Variants in PDE1C observed in about 807,000 individuals in gnomAD.
PDE1C encodes the protein phosphodiesterase 1C.
In PDE1C, 62 loss-of-function variants were observed where a neutral mutation model predicts 93.1. The observed-to-expected ratio is 0.67, with a 90% confidence interval of 0.54 to 0.82. PDE1C has a LOEUF of 0.82. Ranked by LOEUF, PDE1C falls within the 40% of genes least tolerant of loss-of-function variation. PDE1C has a pLI of 0.00. For synonymous variants in PDE1C, 325 were observed against 310.1 expected (o/e 1.05, Z -0.50); for missense variants, 742 against 884.6 (o/e 0.84, Z 2.04).
At chr7:32,101,243 A>G (rs1311675565) in intron 3 of PDE1C, among the ~76,000 whole-genome samples, 1 of 152,222 alleles carries the variant, frequency 6.6e-6, no homozygotes, top group Non-Finnish European at 1.5e-5. Flanking sequence ...CTTAAAAGTA[A>G]TGATAAAAAT....
the PDE1C span, among the ~76,000 whole-genome samples, chr7:31,703,310 C>A: frequency 6.6e-6 from 1 of 152,218 alleles, no homozygotes; most frequent in African/African-American, 2.4e-5. Context: ...ATTCAAGGAA[C>A]AGCCTAACGG....
chr7:32,206,270 G>C (rs919460182), intron 2 of PDE1C, among the ~76,000 whole-genome samples: 2 of 152,126 alleles, frequency 1.3e-5, no homozygotes, highest in Non-Finnish European at 2.9e-5. Flanking sequence ...TTAGGATGCA[G>C]AGGAGCAGGG....
At chr7:31,995,921 G>A (rs1784662106) in intron 2 of PDE1C, among the ~76,000 whole-genome samples, 1 of 152,070 alleles carries the variant, frequency 6.6e-6, no homozygotes, top group African/African-American at 2.4e-5. Context: ...TATTTAGAGA[G>A]TAGAACGACC....
intron 2 of PDE1C, among the ~76,000 whole-genome samples, chr7:31,982,069 C>T (rs1275204241): frequency 6.6e-6 from 1 of 152,198 alleles, no homozygotes; most frequent in Non-Finnish European, 1.5e-5. Context: ...TGATATTCCA[C>T]TTGAAGTGCA....
chr7:31,936,169 G>A (rs1025564506), intron 2 of PDE1C, among the ~76,000 whole-genome samples: 2 of 152,110 alleles, frequency 1.3e-5, no homozygotes, highest in South Asian at 4.2e-4. Flanking sequence ...ATCTAAAGAC[G>A]GAATCACACA....
chr7:31,706,789 T>C, the PDE1C span, among the ~76,000 whole-genome samples: 2 of 152,256 alleles, frequency 1.3e-5, no homozygotes, highest in Non-Finnish European at 2.9e-5. Context: ...CAATAACCCT[T>C]TATAATAATT....
At chr7:32,419,237 A>G (rs1785338045) in intron 1 of PDE1C, among the ~76,000 whole-genome samples, 1 of 152,228 alleles carries the variant, frequency 6.6e-6, no homozygotes, top group African/African-American at 2.4e-5. Context: ...AGAGCCTGTT[A>G]CTGAATTTAG....
In PDE1C at chr7:31,968,642, G is replaced by A. The variant is rs572379117; in HGVS notation, c.128+82912C>T. 5.3e-5 allele frequency among the ~76,000 whole-genome samples: 8 copies of A among 152,180 alleles called. No homozygotes were observed. The East Asian group carries it at 7.7e-4, about 15-fold the overall frequency. ...TTCATATGGAACCAAAAAAGAGCCC[G>A]CATCGCCAGGTCAATCCTAAGCCAA... On this transcript the variant is annotated intron_variant, in intron 2 of 17. Coordinates refer to ENST00000396191, the MANE Select transcript of PDE1C (RefSeq NM_001191057.4).
the PDE1C span, among the ~76,000 whole-genome samples, chr7:31,622,924 A>G: frequency 6.6e-6 from 1 of 152,232 alleles, no homozygotes; most frequent in Admixed American, 6.5e-5. Context: ...TAAAGGGGAT[A>G]TCACCACCAA....
chr7:31,945,090 T>C (rs188201863), intron 2 of PDE1C, among the ~76,000 whole-genome samples: 2 of 152,274 alleles, frequency 1.3e-5, no homozygotes, highest in East Asian at 1.9e-4. Flanking sequence ...TCCATCTAAA[T>C]TGAAATCTAT....
In PDE1C at chr7:32,207,860, G is replaced by C. The variant is rs535927012; in HGVS notation, c.136+1629C>G. Among the ~76,000 whole-genome samples the C allele has an allele frequency of 2.6e-5, 4 of 152,286 alleles. No individual in the cohort carries two copies. In the South Asian group the frequency reaches 8.3e-4, roughly 32 times the overall value. On this transcript the variant is annotated intron_variant, in intron 2 of 18. Coordinates refer to the PDE1C transcript ENST00000396193. ...ACCGCCCTCCCCCCAACCTTCGTCT[G>C]TCTTGTAGTGAGCCTCTGGGACTCC... is the stretch of plus-strand genomic sequence containing the variant.
chr7:31,901,135 CA>C (rs57467525), intron 2 of PDE1C, among the ~76,000 whole-genome samples: 91,634 of 128,668 alleles, frequency 0.71, 30,999 homozygotes, highest in Admixed American at 0.78. Context: ...GCATTATTTA[CA>C]AAAAAAAAAA....
chr7:31,854,853 G>C (rs1286723119), intron 7 of PDE1C, among the ~76,000 whole-genome samples: 2 of 152,100 alleles, frequency 1.3e-5, no homozygotes. Context: ...GATCACCTGA[G>C]GTCAGGAGTT....
chr7:32,236,984 C>T (rs994565876), intron 1 of PDE1C, among the ~76,000 whole-genome samples: 2 of 151,256 alleles, frequency 1.3e-5, no homozygotes, highest in African/African-American at 4.9e-5. Flanking sequence ...GCTACTGATA[C>T]ATGCAACATC....
intron 2 of PDE1C, among the ~76,000 whole-genome samples, chr7:31,886,801 T>TTCAGAATAGATCTTTTCGGATCTA (rs1797956183): frequency 4.6e-4 from 8 of 17,252 alleles, no homozygotes; most frequent in African/African-American, 1.1e-3. Context: ...TTTCGGATCT[T>TTCAGAATAGATCTTTTCGGATCTA]TTCAGAATAG....
At chr7:32,350,578 ATATATATATATAT>A (rs1293900105) in intron 1 of PDE1C, among the ~76,000 whole-genome samples, 5 of 324 alleles carry the variant, frequency 0.015, 1 homozygote, top group Non-Finnish European at 0.036. Flanking sequence ...ATATATATAT[ATATATATATATAT>A]TTTTTTTTTT....
chr7:31,957,583 A>G (rs573847508), intron 2 of PDE1C, among the ~76,000 whole-genome samples: 89 of 152,356 alleles, frequency 5.8e-4, no homozygotes, highest in Admixed American at 1.8e-3. Context: ...TCTGTAGGAT[A>G]TAACAAGATA....
intron 3 of PDE1C, among the ~76,000 whole-genome samples, chr7:32,076,469 C>CA (rs1002671245): frequency 3.2e-4 from 48 of 151,882 alleles, no homozygotes; most frequent in Non-Finnish European, 4.9e-4. Flanking sequence ...GGCAAAACCC[C>CA]ATCTCTACGA....
At chr7:32,123,360 A>G (rs765900595) in intron 3 of PDE1C, among the ~76,000 whole-genome samples, 7 of 152,208 alleles carry the variant, frequency 4.6e-5, no homozygotes, top group Admixed American at 6.5e-5. Context: ...AACTCATTTT[A>G]TAAAGCCAGC....
Sources: gnomAD v4.1 joint callset for allele counts (sites outside exome capture counted in the v4.1 genomes callset) on GRCh38, gnomAD v4.1.1 for gene constraint, MANE v1.5 for transcripts, NCBI Gene and HGNC (gene_info 2026-07-23, HGNC 2026-07-21) for gene names.